Variants in TMEM63C observed in about 807,000 individuals in gnomAD.
The protein encoded by TMEM63C is osmosensitive cation channel TMEM63C.
A neutral mutation model predicts 99.2 loss-of-function variants in TMEM63C; 32 were observed. The ratio of observed to expected loss-of-function variants is 0.32; its 90% CI spans 0.24 to 0.43. The LOEUF is 0.43. Among genes scored for constraint, TMEM63C ranks in the 20% least tolerant of loss-of-function variants. The pLI, the probability that TMEM63C is intolerant of heterozygous loss-of-function variation, is 1.00. For missense variants in TMEM63C, 826 were observed against 1,053.0 expected (o/e 0.78, Z 2.98); for synonymous variants, 376 against 397.9 (o/e 0.94, Z 0.66).
intron 18 of TMEM63C, 68 bp from the exon 19 acceptor site, chr14:77,248,279 C>A: frequency 7.0e-7 from 1 of 1,426,696 alleles, no homozygotes. Context: ...CCTCTCTCTC[C>A]TCCCTTTTAA....
chr14:77,192,840 A>G (rs921241416), intron 1 of TMEM63C, among the ~76,000 whole-genome samples: 1 of 151,966 alleles, frequency 6.6e-6, no homozygotes, highest in African/African-American at 2.4e-5. Context: ...AAGAAGAAGA[A>G]GAGGAGGAGG....
chr14:77,253,853 G>C (rs1482770702), intron 23 of TMEM63C, among the ~76,000 whole-genome samples: 1 of 151,642 alleles, frequency 6.6e-6, no homozygotes, highest in Non-Finnish European at 1.5e-5. Flanking sequence ...CTGGCTCAGA[G>C]TGCAGAGTGC....
At chr14:77,193,388 C>T (rs1361860542) in intron 1 of TMEM63C, among the ~76,000 whole-genome samples, 2 of 152,150 alleles carry the variant, frequency 1.3e-5, no homozygotes, top group Non-Finnish European at 2.9e-5. Context: ...CATATATGTG[C>T]ACAAAGATAT....
chr14:77,214,714 A>G (rs1031514732), intron 2 of TMEM63C, among the ~76,000 whole-genome samples: 1 of 151,172 alleles, frequency 6.6e-6, no homozygotes, highest in Non-Finnish European at 1.5e-5. Flanking sequence ...GCTGATGTCA[A>G]TGTCCACATC....
intron 19 of TMEM63C, 97 bp from the exon 20 acceptor site, chr14:77,248,670 C>T (rs2140130941): frequency 2.0e-6 from 3 of 1,505,402 alleles, no homozygotes; most frequent in Non-Finnish European, 2.8e-6. Context: ...GAGGCTGCCT[C>T]CAGGCCTGAG....
At chr14:77,247,690 A>G (rs1018431064) in intron 18 of TMEM63C, among the ~76,000 whole-genome samples, 2 of 152,208 alleles carry the variant, frequency 1.3e-5, no homozygotes, top group African/African-American at 4.8e-5. Context: ...ACAAGTGTTG[A>G]GAATCCCAAT....
At chr14:77,225,357 G>A in intron 5 of TMEM63C, 67 bp from the exon 6 acceptor site, 11 of 1,530,638 alleles carry the variant, frequency 7.2e-6, no homozygotes, top group Non-Finnish European at 9.7e-6. Context: ...GGCCGCCTGG[G>A]TTCCCAGAGC....
At chr14:77,222,100 T>C (rs1423956731) in intron 5 of TMEM63C, among the ~76,000 whole-genome samples, 1 of 152,154 alleles carries the variant, frequency 6.6e-6, no homozygotes, top group African/African-American at 2.4e-5. Context: ...CAGCTAATCC[T>C]CTCCCACTGG....
Position 77,240,558 on chromosome 14 carries a change from G to A in TMEM63C, c.1014G>A (p.Lys338=). Residue 338 remains lysine (K), a synonymous_variant, in exon 13 of 24, where the codon AAG becomes AAA. Coordinates refer to ENST00000298351, the MANE Select transcript of TMEM63C (RefSeq NM_020431.4). Reference sequence around the variant, plus strand: ...CCGAGCTCAACCGCGTGCCGCTCAAGCGGCTGGACCTGATCTTTGTCACCT... The same window carrying A: ...CCGAGCTCAACCGCGTGCCGCTCAAACGGCTGGACCTGATCTTTGTCACCT... The part of the protein sequence containing the change: ...FNAELNRVPL[K]RLDLIFVTFQ... The A allele has an allele frequency of 6.2e-7, 1 of 1,611,812 alleles. No individual in the cohort carries two copies. Among genetic ancestry groups the A allele is most frequent in the South Asian group, 1.1e-5 (1 of 91,076 alleles).
At chr14:77,246,252 C>T (rs1207705966) in intron 17 of TMEM63C, among the ~76,000 whole-genome samples, 1 of 152,320 alleles carries the variant, frequency 6.6e-6, no homozygotes, top group South Asian at 2.1e-4. Flanking sequence ...GGACACAAGG[C>T]GTGCTTACCA....
intron 15 of TMEM63C, among the ~76,000 whole-genome samples, chr14:77,243,632 G>C (rs976263261): frequency 1.3e-5 from 2 of 152,154 alleles, no homozygotes; most frequent in African/African-American, 4.8e-5. Context: ...GATGCCTCCT[G>C]CTGATGGTGC....
intron 2 of TMEM63C, among the ~76,000 whole-genome samples, chr14:77,217,542 G>A (rs998131451): frequency 4.6e-5 from 7 of 152,188 alleles, no homozygotes; most frequent in Admixed American, 1.3e-4. Flanking sequence ...TACTTTTCTC[G>A]AATGGAAGTG....
intron 21 of TMEM63C, among the ~76,000 whole-genome samples, chr14:77,251,200 G>C (rs932277788): frequency 6.6e-6 from 1 of 152,172 alleles, no homozygotes; most frequent in African/African-American, 2.4e-5. Flanking sequence ...TGGATATTGA[G>C]GTTTGCCACT....
chr14:77,250,430 CTTTT>C (rs796757847), intron 21 of TMEM63C, among the ~76,000 whole-genome samples: 8 of 140,896 alleles, frequency 5.7e-5, no homozygotes, highest in Non-Finnish European at 9.3e-5. Context: ...TGTTTTCTTT[CTTTT>C]TTTTTTTTTT....
At chr14:77,186,909 G>C (rs1423156327) in intron 1 of TMEM63C, among the ~76,000 whole-genome samples, 1 of 151,996 alleles carries the variant, frequency 6.6e-6, no homozygotes, top group Non-Finnish European at 1.5e-5. Flanking sequence ...CTTGGCTGGC[G>C]CCTCATGTGC....
intron 9 of TMEM63C, 72 bp downstream of exon 9, chr14:77,236,804 A>C: frequency 9.7e-7 from 1 of 1,031,242 alleles, no homozygotes; most frequent in Non-Finnish European, 1.5e-6. Context: ...ACCACTTCCA[A>C]CCCTCAGAGA....
chr14:77,203,211 C>T (rs930768957), intron 1 of TMEM63C, among the ~76,000 whole-genome samples: 3 of 151,940 alleles, frequency 2.0e-5, no homozygotes, highest in Non-Finnish European at 4.4e-5. Flanking sequence ...AACCCTGTCT[C>T]TACTAAAAAT....
chr14:77,193,644 G>A (rs1888147882), intron 1 of TMEM63C, among the ~76,000 whole-genome samples: 1 of 152,272 alleles, frequency 6.6e-6, no homozygotes, highest in East Asian at 1.9e-4. Flanking sequence ...AGAGCAGCCT[G>A]ACCAACATGG....
At chr14:77,252,048 A>ATGCGTGCATGCATGCGTGCATGCCT (rs373960482) in intron 22 of TMEM63C, 150 bp downstream of exon 22, 5 of 667,524 alleles carry the variant, frequency 7.5e-6, no homozygotes, top group African/African-American at 4.0e-5. Context: ...CCCAGTGTGC[A>ATGCGTGCATGCATGCGTGCATGCCT]TGCGTGCATG....
Sources: gnomAD v4.1 joint callset for allele counts (sites outside exome capture counted in the v4.1 genomes callset) on GRCh38, gnomAD v4.1.1 for gene constraint, MANE v1.5 for transcripts, NCBI Gene and HGNC (gene_info 2026-07-23, HGNC 2026-07-21) for gene names.